The following PRIM2 variants were observed in gnomAD, a reference collection of about 807,000 sequenced individuals.
PRIM2 encodes the protein DNA primase subunit 2, also known as DNA primase large subunit.
PRIM2 carries 39 observed loss-of-function variants against 67.3 expected under a neutral mutation model. That is an observed-to-expected ratio of 0.58 (90% CI 0.45 to 0.76). The LOEUF is 0.76. Among genes scored for constraint, PRIM2 ranks in the 30% least tolerant of loss-of-function variants. The pLI is 0.00. For synonymous variants in PRIM2, 143 were observed against 198.7 expected, an observed-to-expected ratio of 0.72 and a Z score of 2.36; for missense variants, 398 against 598.7, an observed-to-expected ratio of 0.66 and a Z score of 3.50.
the PRIM2 span, among the ~76,000 whole-genome samples, chr6:57,250,677 T>C: frequency 6.6e-6 from 1 of 152,138 alleles, no homozygotes; most frequent in African/African-American, 2.4e-5. Flanking sequence ...TGAGTAAATA[T>C]CCTGAGGTGG....
At chr6:57,598,574 T>C (rs2127490728) in intron 10 of PRIM2, among the ~76,000 whole-genome samples, 1 of 152,198 alleles carries the variant, frequency 6.6e-6, no homozygotes, top group African/African-American at 2.4e-5. Context: ...GAGTGTCACC[T>C]AGTAGTGGAA....
the PRIM2 span, among the ~76,000 whole-genome samples, chr6:57,237,551 C>A: frequency 1.3e-5 from 2 of 152,080 alleles, no homozygotes; most frequent in Admixed American, 6.5e-5. Flanking sequence ...GGTTTTAGGT[C>A]TAACATGTAA....
the PRIM2 span, among the ~76,000 whole-genome samples, chr6:57,229,935 T>C: frequency 1.1e-4 from 17 of 152,246 alleles, no homozygotes; most frequent in Non-Finnish European, 2.2e-4. Flanking sequence ...GTCATCTTCA[T>C]GAGGGCTGCC....
At chr6:57,308,328 G>T in the PRIM2 span, among the ~76,000 whole-genome samples, 1 of 151,988 alleles carries the variant, frequency 6.6e-6, no homozygotes, top group African/African-American at 2.4e-5. Context: ...TCACCGTGTT[G>T]CTCAGGCTGG....
intron 7 of PRIM2, among the ~76,000 whole-genome samples, chr6:57,477,800 T>C (rs1773510968): frequency 6.6e-6 from 1 of 152,148 alleles, no homozygotes; most frequent in South Asian, 2.1e-4. Flanking sequence ...ATAACCTCTG[T>C]GAAGGATAAA....
chr6:57,320,295 T>C (rs1037993409), intron 2 of PRIM2, among the ~76,000 whole-genome samples, 162 bp from the exon 3 acceptor site: 1 of 152,224 alleles, frequency 6.6e-6, no homozygotes, highest in African/African-American at 2.4e-5. Flanking sequence ...ATTATCCTCT[T>C]ATAAGCATAT....
chr6:57,542,857 T>C (rs1474526620), intron 10 of PRIM2, among the ~76,000 whole-genome samples: 50,433 of 150,016 alleles, frequency 0.34, 10,044 homozygotes, highest in African/African-American at 0.55. Flanking sequence ...TGAACCATTG[T>C]ATCTATTTGT....
At chr6:57,358,315 A>G (rs1769097391) in intron 5 of PRIM2, among the ~76,000 whole-genome samples, 2 of 152,230 alleles carry the variant, frequency 1.3e-5, no homozygotes, top group African/African-American at 4.8e-5. Flanking sequence ...ATTAAAATTT[A>G]TTAGGCAGAC....
chr6:57,447,639 A>G (rs917618324), intron 7 of PRIM2, among the ~76,000 whole-genome samples: 23 of 152,242 alleles, frequency 1.5e-4, no homozygotes, highest in Non-Finnish European at 4.4e-5. Context: ...AGGGTAAGAT[A>G]CCGTAATAGA....
chr6:57,520,147 C>T (rs1183445725), intron 8 of PRIM2, among the ~76,000 whole-genome samples: 2 of 152,196 alleles, frequency 1.3e-5, no homozygotes, highest in Non-Finnish European at 2.9e-5. Context: ...TAATAATCCT[C>T]ATTAACTGTT....
chr6:57,579,900 A>G (rs1776049948), intron 10 of PRIM2, among the ~76,000 whole-genome samples: 1 of 152,168 alleles, frequency 6.6e-6, no homozygotes, highest in South Asian at 2.1e-4. Flanking sequence ...TAAAATGGAC[A>G]AAGTTATATT....
chr6:57,409,803 A>G (rs1192574137), intron 7 of PRIM2, among the ~76,000 whole-genome samples: 4 of 152,214 alleles, frequency 2.6e-5, no homozygotes, highest in African/African-American at 7.2e-5. Flanking sequence ...AAGTTTTACA[A>G]TTTGATTCAG....
chr6:57,575,942 C>G (rs1262313543), intron 10 of PRIM2, among the ~76,000 whole-genome samples: 1 of 152,058 alleles, frequency 6.6e-6, no homozygotes, highest in African/African-American at 2.4e-5. Context: ...CCACCCCTGG[C>G]TAATTTTGTA....
chr6:57,568,285 C>T (rs1232290590), intron 10 of PRIM2, among the ~76,000 whole-genome samples: 50 of 152,116 alleles, frequency 3.3e-4, no homozygotes, highest in African/African-American at 1.1e-3. Flanking sequence ...TTATGTCACC[C>T]AAATGCAATG....
chr6:57,523,487 A>G (rs1249662550), intron 8 of PRIM2, among the ~76,000 whole-genome samples: 1 of 152,232 alleles, frequency 6.6e-6, no homozygotes, highest in Non-Finnish European at 1.5e-5. Flanking sequence ...AAGTGTTGCA[A>G]CTATTCCACT....
At chr6:57,321,060 A>G (rs372360606) in intron 3 of PRIM2, among the ~76,000 whole-genome samples, 4 of 152,218 alleles carry the variant, frequency 2.6e-5, no homozygotes, top group Non-Finnish European at 4.4e-5. Context: ...TGCCAGCAGC[A>G]GATTGACAGG....
At chr6:57,337,586 T>G (rs1481312815) in intron 5 of PRIM2, among the ~76,000 whole-genome samples, 4 of 152,138 alleles carry the variant, frequency 2.6e-5, no homozygotes, top group South Asian at 2.1e-4. Flanking sequence ...ACATGGAAAC[T>G]GAACAACCTG....
At chr6:57,418,381 T>TGTGTGTGTGTG (rs1771342367) in intron 7 of PRIM2, among the ~76,000 whole-genome samples, 1 of 73,994 alleles carries the variant, frequency 1.4e-5, no homozygotes, top group Non-Finnish European at 2.4e-5. Flanking sequence ...CCTATGTGTG[T>TGTGTGTGTGTG]GGTTTTTTTT....
At chr6:57,463,100 G>A (rs942829941) in intron 7 of PRIM2, among the ~76,000 whole-genome samples, 1 of 152,212 alleles carries the variant, frequency 6.6e-6, no homozygotes, top group Non-Finnish European at 1.5e-5. Context: ...CTTCTAAGTG[G>A]CAGAGGGGTG....
Sources: gnomAD v4.1 joint callset for allele counts (sites outside exome capture counted in the v4.1 genomes callset) on GRCh38, gnomAD v4.1.1 for gene constraint, MANE v1.5 for transcripts, NCBI Gene and HGNC (gene_info 2026-07-23, HGNC 2026-07-21) for gene names.